The following BLTP1 variants were observed in gnomAD, a reference collection of about 807,000 sequenced individuals.
BLTP1 encodes fragile site-associated protein.
At chr4:122,247,582 C>A in the BLTP1 span, 7 of 1,131,434 alleles carry the variant, frequency 6.2e-6, no homozygotes, top group Non-Finnish European at 8.2e-6. Context: ...AGTGGTATGG[C>A]CCCAAATTAG....
the BLTP1 span, chr4:122,207,401 AAG>A: frequency 7.0e-7 from 1 of 1,422,332 alleles, no homozygotes; most frequent in Non-Finnish European, 9.3e-7. Flanking sequence ...AGACTCTCAG[AAG>A]ACTGTTTCAG....
At chr4:122,253,377 C>T in the BLTP1 span, among the ~76,000 whole-genome samples, 1 of 152,066 alleles carries the variant, frequency 6.6e-6, no homozygotes, top group East Asian at 1.9e-4. Flanking sequence ...TTCAAAATAA[C>T]TGTGTTGAGG....
At chr4:122,298,234 G>A in the BLTP1 span, 3 of 941,572 alleles carry the variant, frequency 3.2e-6, no homozygotes, top group Non-Finnish European at 3.8e-6. Flanking sequence ...GAATCATGTA[G>A]TTTTTATTTG....
the BLTP1 span, chr4:122,223,027 CAGA>C: frequency 3.4e-6 from 3 of 875,988 alleles, no homozygotes; most frequent in African/African-American, 5.5e-5. Context: ...GTCTCAGCGT[CAGA>C]AGATAACTTT....
chr4:122,207,354 CA>C, the BLTP1 span: 1 of 1,391,092 alleles, frequency 7.2e-7, no homozygotes, highest in African/African-American at 1.5e-5. Context: ...ATAGTTTTAA[CA>C]GATACTAGAA....
chr4:122,165,148 G>C, the BLTP1 span, among the ~76,000 whole-genome samples: 1 of 151,794 alleles, frequency 6.6e-6, no homozygotes, highest in East Asian at 1.9e-4. Flanking sequence ...GTGTACATGT[G>C]CCATGCTGGT....
chr4:122,333,935 G>A, the BLTP1 span: 9 of 1,172,680 alleles, frequency 7.7e-6, no homozygotes, highest in East Asian at 2.2e-4. Context: ...GTCTAATATA[G>A]CCATATTCTG....
At chr4:122,200,660 C>T in the BLTP1 span, 2 of 983,826 alleles carry the variant, frequency 2.0e-6, no homozygotes, top group South Asian at 4.7e-5. Flanking sequence ...CACACTCTAT[C>T]TTCCTTCACA....
chr4:122,336,136 C>A, the BLTP1 span: 2 of 1,402,362 alleles, frequency 1.4e-6, no homozygotes, highest in Non-Finnish European at 9.7e-7. Flanking sequence ...ATTCAAATTT[C>A]TGTTTAATTG....
the BLTP1 span, chr4:122,227,440 G>C: frequency 1.0e-6 from 1 of 985,202 alleles, no homozygotes. Context: ...TATGAATTTG[G>C]GGAGGGAGGC....
the BLTP1 span, chr4:122,308,124 T>C: frequency 6.2e-7 from 1 of 1,613,388 alleles, no homozygotes; most frequent in Non-Finnish European, 8.5e-7. Flanking sequence ...CTGTCAATGA[T>C]CTGGGAATTT....
the BLTP1 span, among the ~76,000 whole-genome samples, chr4:122,350,869 C>T: frequency 2.2e-4 from 33 of 151,962 alleles, no homozygotes; most frequent in Non-Finnish European, 4.1e-4. Context: ...TGAGCAAGGA[C>T]GAAAATGCCG....
chr4:122,295,114 A>C, the BLTP1 span, among the ~76,000 whole-genome samples: 303 of 152,334 alleles, frequency 2.0e-3, 2 homozygotes, highest in African/African-American at 7.0e-3. Context: ...GAGATTATTT[A>C]AAAAGACCAA....
chr4:122,255,701 T>G, the BLTP1 span, among the ~76,000 whole-genome samples: 6 of 152,058 alleles, frequency 3.9e-5, no homozygotes, highest in African/African-American at 9.7e-5. Flanking sequence ...GTGCTCAGAC[T>G]AATGATTTGG....
chr4:122,299,849 T>C, the BLTP1 span: 1 of 984,804 alleles, frequency 1.0e-6, no homozygotes, highest in African/African-American at 1.7e-5. Flanking sequence ...AAGTACTTAA[T>C]TATAAGTTGA....
chr4:122,324,667 A>G, the BLTP1 span: 11 of 624,122 alleles, frequency 1.8e-5, no homozygotes, highest in African/African-American at 1.3e-4. Context: ...AATAGCAATA[A>G]CAGTGGATAC....
chr4:122,347,685 C>G, the BLTP1 span: 2 of 1,613,838 alleles, frequency 1.2e-6, no homozygotes, highest in Non-Finnish European at 1.7e-6. Flanking sequence ...ATATGACAAA[C>G]AGCACCATGT....
chr4:122,253,259 C>T, the BLTP1 span, among the ~76,000 whole-genome samples: 3 of 152,048 alleles, frequency 2.0e-5, no homozygotes, highest in African/African-American at 7.2e-5. Context: ...TGATGAACGT[C>T]CACAAACATC....
chr4:122,175,193 A>C, the BLTP1 span: 3 of 984,846 alleles, frequency 3.0e-6, no homozygotes, highest in Non-Finnish European at 3.6e-6. Flanking sequence ...TAGAATTCAA[A>C]AGTTTTGAAT....
Sources: gnomAD v4.1 joint callset for allele counts (sites outside exome capture counted in the v4.1 genomes callset) on GRCh38, gnomAD v4.1.1 for gene constraint, MANE v1.5 for transcripts, NCBI Gene and HGNC (gene_info 2026-07-23, HGNC 2026-07-21) for gene names.